SPG11: variants seen among roughly 807,000 people sequenced by gnomAD.
SPG11 encodes spatacsin.
A neutral mutation model predicts 274.0 loss-of-function variants in SPG11; 222 were observed. The observed-to-expected ratio is 0.81, with a 90% CI of 0.73 to 0.91. The LOEUF is 0.91. Among genes scored for constraint, SPG11 ranks in the 40% least tolerant of loss-of-function variants. The pLI, the probability that SPG11 is intolerant of heterozygous loss-of-function variation, is 0.00. For missense variants in SPG11, 3,114 were observed against 2,872.7 expected (o/e 1.08, Z -1.92); for synonymous variants, 1,144 against 1,039.7 (o/e 1.10, Z -1.93).
intron 38 of SPG11, 55 bp from the exon 39 acceptor site, chr15:44,564,753 AAAAC>A (rs2082275498): frequency 8.8e-6 from 14 of 1,589,452 alleles, no homozygotes; most frequent in South Asian, 5.5e-5. Context: ...TGTAAAATCA[AAAAC>A]AAACTGTTGT....
At chr15:44,662,975 G>A (rs556564151) in intron 1 of SPG11, among the ~76,000 whole-genome samples, 3 of 152,218 alleles carry the variant, frequency 2.0e-5, no homozygotes, top group East Asian at 1.9e-4. Context: ...CATGAAAAAA[G>A]TATCAGGATG....
intron 38 of SPG11, among the ~76,000 whole-genome samples, chr15:44,565,322 G>A (rs2082286453): frequency 6.6e-6 from 1 of 152,170 alleles, no homozygotes; most frequent in South Asian, 2.1e-4. Flanking sequence ...CAGGTTCCCT[G>A]GAGGACAATT....
At chr15:44,575,173 A>C (rs2082509029) in intron 30 of SPG11, 132 bp from the exon 31 acceptor site, 3 of 1,130,478 alleles carry the variant, frequency 2.7e-6, no homozygotes, top group Non-Finnish European at 2.5e-6. Flanking sequence ...GGATAGGACC[A>C]CTGCTGACAG....
Position 44,583,872 on chromosome 15 carries a change from T to G in SPG11, c.5808A>C (p.Gln1936His). 1 of 1,614,208 alleles carries G rather than the reference T, an allele frequency of 6.2e-7. No individual in the cohort carries two copies. The highest frequency in any genetic ancestry group is 8.5e-7 in the Non-Finnish European group (1 of 1,180,028). The change falls in exon 30 of 40, where the codon CAA (glutamine) becomes CAC (histidine). Residue 1936 changes from glutamine (Q) to histidine (H), a missense_variant. Transcript: ENST00000261866. ...CTTCTTCCTCAAGCAGCTCAGCACT[T>G]TGTAGGAGAGCATGGATCTCTGGGT... ...DLHPEIHALL[Q>H]SAELLEEEAP...
chr15:44,596,425 G>A, intron 24 of SPG11, 70 bp from the exon 25 acceptor site: 1 of 1,550,038 alleles, frequency 6.5e-7, no homozygotes, highest in South Asian at 1.1e-5. Context: ...AAATGTTAGA[G>A]AAAAGCATAG....
At chr15:44,623,803 C>A (rs1270948842) in intron 11 of SPG11, among the ~76,000 whole-genome samples, 1 of 152,022 alleles carries the variant, frequency 6.6e-6, no homozygotes, top group Non-Finnish European at 1.5e-5. Context: ...GTCACCCAGG[C>A]TGGATGGAAT....
chr15:44,648,268 C>G (rs979088755), intron 7 of SPG11, among the ~76,000 whole-genome samples: 2 of 152,014 alleles, frequency 1.3e-5, no homozygotes, highest in East Asian at 3.8e-4. Context: ...AATCCCAGCA[C>G]TCTAGGACAC....
intron 7 of SPG11, among the ~76,000 whole-genome samples, chr15:44,636,703 G>C (rs1354543787): frequency 6.6e-6 from 1 of 151,142 alleles, no homozygotes; most frequent in African/African-American, 2.4e-5. Flanking sequence ...AGAAAGGCAG[G>C]TCACTTGAGG....
At position 44,598,797 on chromosome 15, in the gene SPG11, G is replaced by A. The variant is rs1361427415; in HGVS notation, c.3726C>T (p.Leu1242=). 1 of 1,614,176 alleles carries A rather than the reference G, an allele frequency of 6.2e-7. No homozygotes were observed. The highest frequency in any genetic ancestry group is 1.1e-5 in the South Asian group (1 of 91,080). ...CTATTGAAGGTATGTGGAAGGAGGA[G>A]AGCCCTATAACATAGGCTTCATTGC... ...QVGNEAYVIG[L]SSFHIPSIGA... is the part of the protein sequence containing the mutation. Residue 1242 remains leucine (L), a synonymous_variant, in exon 22 of 40, where the codon CTC becomes CTT. Transcript: ENST00000261866.
intron 16 of SPG11, 92 bp downstream of exon 16, chr15:44,615,271 C>T: frequency 8.3e-7 from 1 of 1,209,762 alleles, no homozygotes; most frequent in Non-Finnish European, 1.2e-6. Flanking sequence ...CGTGTGAATG[C>T]TTACTATTTT....
rs1224424086 is a variant in SPG11 at position 44,595,260 on chromosome 15, T to G, written c.4634A>C (p.Lys1545Thr). ...TLIRGFQLFF[K>T]DSPLLLVMEM... ...AAGAAGTGAAGCAACTATCACTACC[T>G]TAAAGAAAAGCTGGAAACCTCTGAT... The change falls in exon 26 of 40, where the codon AAG (lysine) becomes ACG (threonine). Residue 1545 changes from lysine to threonine, a missense_variant and splice_region_variant. Coordinates refer to ENST00000261866, the MANE Select transcript of SPG11 (RefSeq NM_025137.4). 2 of 1,614,128 alleles carry G rather than the reference T, an allele frequency of 1.2e-6. No homozygotes were observed. The highest frequency in any genetic ancestry group is 2.2e-5 in the South Asian group (2 of 91,082).
At chr15:44,628,645 G>A (rs1447831823) in intron 10 of SPG11, 24 bp downstream of exon 10, 1 of 1,599,920 alleles carries the variant, frequency 6.3e-7, no homozygotes, top group African/African-American at 1.3e-5. Context: ...GCAAATAAAA[G>A]AAGTGATGAT....
chr15:44,598,731 G>A lies in SPG11; in HGVS notation c.3792C>T (p.Asp1264=). ...TCATATCAACTCTGAGCTTGAGGCTGTCAAGGCCAAGCAATTCTAAGAAAC... is the reference window on the plus strand; with the variant it reads ...TCATATCAACTCTGAGCTTGAGGCTATCAAGGCCAAGCAATTCTAAGAAAC... ...CVCFLELLGL[D]SLKLRVDMKV... is the part of the protein sequence containing the mutation. The change falls in exon 22 of 40, where the codon GAC becomes GAT. Residue 1264 remains aspartate (D), a synonymous_variant. Transcript: ENST00000261866. The A allele has an allele frequency of 1.2e-6, 2 of 1,614,194 alleles. No individual in the cohort carries two copies. The highest frequency in any genetic ancestry group is 1.7e-6 in the Non-Finnish European group (2 of 1,180,038).
intron 30 of SPG11, among the ~76,000 whole-genome samples, chr15:44,578,734 C>T (rs1315795222): frequency 1.3e-5 from 2 of 152,360 alleles, no homozygotes; most frequent in South Asian, 2.1e-4. Context: ...AATGCACAGG[C>T]AGTGGTTTGG....
At chr15:44,604,931 C>CAAAAAAAAAAAAA (rs908048525) in intron 20 of SPG11, among the ~76,000 whole-genome samples, 3 of 22,496 alleles carry the variant, frequency 1.3e-4, no homozygotes, top group African/African-American at 5.8e-4. Context: ...ACTCCATCTC[C>CAAAAAAAAAAAAA]AAAAAAAAAA....
At chr15:44,621,607 G>T in intron 14 of SPG11, 152 bp downstream of exon 14, 1 of 732,914 alleles carries the variant, frequency 1.4e-6, no homozygotes, top group Non-Finnish European at 2.3e-6. Context: ...AGATAAGAAA[G>T]AGATCTTAAT....
At chr15:44,612,517 G>A (rs1401717930) in intron 17 of SPG11, among the ~76,000 whole-genome samples, 2 of 152,056 alleles carry the variant, frequency 1.3e-5, no homozygotes, top group East Asian at 3.9e-4. Context: ...TCCCATCTCA[G>A]CCTCCCAAGT....
At chr15:44,572,967 T>C (rs1023975753) in intron 32 of SPG11, 147 bp from the exon 33 acceptor site, 4 of 705,224 alleles carry the variant, frequency 5.7e-6, no homozygotes, top group Admixed American at 2.2e-5. Flanking sequence ...GGTCATTTTA[T>C]AGGACAGGAG....
chr15:44,592,424 T>C lies in SPG11; in HGVS notation c.4650A>G (p.Leu1550=), dbSNP rs2140963415. The change falls in exon 27 of 40, where the codon CTA becomes CTG. Residue 1550 remains leucine (L), a synonymous_variant. Coordinates refer to ENST00000261866, the MANE Select transcript of SPG11 (RefSeq NM_025137.4). ...ACAGTTCATACATCTCCATCACCAG[T>C]AGTAACGGGGAATCCTTTGACAAAG... ...FQLFFKDSPL[L]LVMEMYELCM... 1.3e-6 allele frequency: 2 copies of C among 1,598,500 alleles called. No homozygotes were observed. The highest frequency in any genetic ancestry group is 1.3e-5 in the African/African-American group (1 of 74,662).
Sources: gnomAD v4.1 joint callset for allele counts (sites outside exome capture counted in the v4.1 genomes callset) on GRCh38, gnomAD v4.1.1 for gene constraint, MANE v1.5 for transcripts, NCBI Gene and HGNC (gene_info 2026-07-23, HGNC 2026-07-21) for gene names.